Variants in PCSK6 observed in about 807,000 individuals in gnomAD.
The protein encoded by PCSK6 is paired basic amino acid cleaving enzyme 4.
In PCSK6, 85 loss-of-function variants were observed where a neutral mutation model predicts 123.3. The observed-to-expected ratio is 0.69, with a 90% CI of 0.58 to 0.83. The LOEUF is 0.83. Among genes scored for constraint, PCSK6 ranks in the 40% least tolerant of loss-of-function variants. PCSK6 has a pLI of 0.00. For synonymous variants in PCSK6, 508 were observed against 516.0 expected (o/e 0.98, Z 0.21); for missense variants, 1,191 against 1,282.3 (o/e 0.93, Z 1.09).
At chr15:101,361,427 G>A (rs574913668) in intron 13 of PCSK6, among the ~76,000 whole-genome samples, 1 of 115,592 alleles carries the variant, frequency 8.7e-6, no homozygotes, top group African/African-American at 3.8e-5. Flanking sequence ...GTGTAAGGTG[G>A]GAGAGTGGGT....
rs376673260 is a variant in PCSK6, at chr15:101,322,910, G to A, written c.2378-303C>T. 7.2e-5 allele frequency among the ~76,000 whole-genome samples: 11 copies of A among 152,350 alleles called. No individual in the cohort carries two copies. The East Asian group carries it at 2.1e-3, about 29-fold the overall frequency. On this transcript the variant is annotated intron_variant, in intron 17 of 21. Coordinates refer to ENST00000611716, the MANE Select transcript of PCSK6 (RefSeq NM_002570.5). ...CCTGGTGGGCTGAGTAGAGTTTAAC[G>A]AGGTGGAAATCTTCATGAAAGTGGC...
At chr15:101,426,763 G>C (rs938828125) in intron 6 of PCSK6, among the ~76,000 whole-genome samples, 4 of 109,052 alleles carry the variant, frequency 3.7e-5, no homozygotes, top group African/African-American at 6.2e-5. Context: ...CCTCACCAAG[G>C]CTCGGTGGCA....
intron 11 of PCSK6, among the ~76,000 whole-genome samples, chr15:101,380,340 C>T (rs1031505668): frequency 1.7e-4 from 26 of 152,226 alleles, no homozygotes; most frequent in African/African-American, 6.0e-4. Context: ...GACGGGGACA[C>T]GAGCGGAGGC....
chr15:101,434,284 T>C (rs1395138064), intron 2 of PCSK6, among the ~76,000 whole-genome samples: 2 of 152,190 alleles, frequency 1.3e-5, no homozygotes, highest in Admixed American at 1.3e-4. Flanking sequence ...GGCTGAGCCC[T>C]GTTTGTGCTA....
At chr15:101,426,766 C>T (rs1479988693) in intron 6 of PCSK6, among the ~76,000 whole-genome samples, 1 of 106,704 alleles carries the variant, frequency 9.4e-6, no homozygotes, top group East Asian at 2.8e-4. Context: ...CACCAAGGCT[C>T]GGTGGCAGAA....
In PCSK6 at chr15:101,330,381, G is replaced by A. The variant is rs536650144; in HGVS notation, c.2077+1270C>T. ...GTGCAGCCTCCACTGGCCTGGGCCC[G>A]TCACTCCTGATGCACCATGACCATG... On this transcript the variant is annotated intron_variant, in intron 15 of 21. Transcript: ENST00000611716. Among the ~76,000 whole-genome samples the A allele has an allele frequency of 9.2e-5, 14 of 152,326 alleles. No homozygotes were observed. The South Asian group carries it at 1.4e-3, about 16-fold the overall frequency.
At chr15:101,384,226 T>G (rs375440612) in intron 10 of PCSK6, 96 bp downstream of exon 10, 1 of 1,543,126 alleles carries the variant, frequency 6.5e-7, no homozygotes. Context: ...TAATAACAAC[T>G]AATGCTATTT....
intron 1 of PCSK6, among the ~76,000 whole-genome samples, chr15:101,472,573 C>A (rs562876231): frequency 6.6e-6 from 1 of 152,322 alleles, no homozygotes; most frequent in East Asian, 1.9e-4. Flanking sequence ...AAAAGGATCT[C>A]TCAATGGTGG....
At chr15:101,455,138 G>A (rs1327360742) in intron 1 of PCSK6, among the ~76,000 whole-genome samples, 3 of 148,504 alleles carry the variant, frequency 2.0e-5, no homozygotes, top group Non-Finnish European at 4.5e-5. Context: ...TCTATTATGT[G>A]TATTTGACCA....
intron 11 of PCSK6, among the ~76,000 whole-genome samples, chr15:101,379,122 G>A (rs960274435): frequency 1.3e-5 from 2 of 152,246 alleles, no homozygotes; most frequent in Admixed American, 6.5e-5. Flanking sequence ...TGCAATGCTA[G>A]TTTGGGAGCA....
rs34993074 is a variant in PCSK6, at chr15:101,342,901, CAA to C, written c.1859-10872_1859-10871del. On this transcript the variant is annotated intron_variant, in intron 13 of 21. Coordinates refer to ENST00000611716, the MANE Select transcript of PCSK6 (RefSeq NM_002570.5). Reference sequence around the variant, plus strand: ...TGGGCAACAGAGTGAGACTCCGTCTCAAAAAAAAAAAAAACCAAACTCTGGCT... The same window carrying C: ...TGGGCAACAGAGTGAGACTCCGTCTCAAAAAAAAAAAACCAAACTCTGGCT... Among the ~76,000 whole-genome samples the C allele has an allele frequency of 4.0e-5, 5 of 124,332 alleles. No individual in the cohort carries two copies. In the Admixed American group the frequency reaches 4.2e-4, roughly 10 times the overall value. 81.6% of individuals were successfully genotyped at this position (124,332 alleles called of 152,430 possible).
chr15:101,331,559 AG>A (rs908616521), intron 15 of PCSK6, 91 bp downstream of exon 15: 17 of 1,217,120 alleles, frequency 1.4e-5, no homozygotes, highest in Admixed American at 1.9e-5. Flanking sequence ...CTAACTTACC[AG>A]GGGGCAAGAC....
chr15:101,380,767 T>C (rs1358772308), intron 11 of PCSK6, among the ~76,000 whole-genome samples: 8 of 152,098 alleles, frequency 5.3e-5, no homozygotes, highest in African/African-American at 1.7e-4. Flanking sequence ...GTGGCAAGAG[T>C]GTATTACAAG....
chr15:101,305,192 A>C lies in PCSK6; in HGVS notation c.*66T>G. ...GCTCCTGAAACAGACTCTGGCCGAC[A>C]GTCTGGAGGAAGGTGGACGGATGGA... On this transcript the variant is annotated 3_prime_UTR_variant, in exon 22 of 22. Transcript: ENST00000611716. This position sits in a 1 kb window ranked among gnomAD's most constrained non-coding sequence, Gnocchi z 4.8. 1 of 1,337,814 alleles carries C rather than the reference A, an allele frequency of 7.5e-7. No individual in the cohort carries two copies. 82.9% of individuals were successfully genotyped at this position (1,337,814 alleles called of 1,614,324 possible). A position where few individuals can be genotyped will look rare whatever the true frequency, so the allele number is the denominator to read the frequency against.
chr15:101,326,645 G>A (rs935206302), intron 15 of PCSK6, among the ~76,000 whole-genome samples, 166 bp from the exon 16 acceptor site: 1 of 152,242 alleles, frequency 6.6e-6, no homozygotes, highest in Non-Finnish European at 1.5e-5. Flanking sequence ...AGCCGTCCCT[G>A]CGGGTAACAG....
chr15:101,400,172 A>T (rs2042545401), intron 6 of PCSK6, among the ~76,000 whole-genome samples: 2 of 152,132 alleles, frequency 1.3e-5, no homozygotes, highest in African/African-American at 4.8e-5. Flanking sequence ...TCACAGGTGC[A>T]CACCACTGCA....
intron 20 of PCSK6, among the ~76,000 whole-genome samples, chr15:101,312,740 G>C (rs942023396): frequency 1.3e-5 from 2 of 152,196 alleles, no homozygotes; most frequent in Admixed American, 6.5e-5. Flanking sequence ...GTTGAGGCAG[G>C]AGAATGGTGT....
intron 18 of PCSK6, among the ~76,000 whole-genome samples, chr15:101,322,084 G>C (rs141304836): frequency 6.6e-6 from 1 of 152,200 alleles, no homozygotes; most frequent in Non-Finnish European, 1.5e-5. Context: ...AACCAGGAAC[G>C]TAAAGAGCAC....
intron 11 of PCSK6, 78 bp from the exon 12 acceptor site, chr15:101,370,601 C>G: frequency 7.7e-7 from 1 of 1,306,086 alleles, no homozygotes; most frequent in Non-Finnish European, 1.0e-6. Flanking sequence ...CTCCAGCGCC[C>G]GTCCACTCTA....
Sources: gnomAD v4.1 joint callset for allele counts (sites outside exome capture counted in the v4.1 genomes callset) on GRCh38, gnomAD v4.1.1 for gene constraint, Gnocchi (gnomAD v3.1) non-coding constraint, MANE v1.5 for transcripts, NCBI Gene and HGNC (gene_info 2026-07-23, HGNC 2026-07-21) for gene names.